The following CAMK2B variants were observed in gnomAD, a reference collection of about 807,000 sequenced individuals.
CAMK2B encodes calcium/calmodulin dependent protein kinase II beta.
Under a neutral mutation model 93.7 loss-of-function variants are expected in CAMK2B, and 27 were observed. The ratio of observed to expected loss-of-function variants is 0.29; its 90% CI spans 0.21 to 0.40. CAMK2B has a LOEUF of 0.40. Among genes scored for constraint, CAMK2B ranks in the 10% least tolerant of loss-of-function variants. The pLI, the probability that CAMK2B is intolerant of heterozygous loss-of-function variation, is 1.00. For synonymous variants in CAMK2B, 374 were observed against 358.8 expected (o/e 1.04, Z -0.48); for missense variants, 568 against 895.8 (o/e 0.63, Z 4.67).
chr7:44,279,043 T>C (rs75377419), intron 2 of CAMK2B, among the ~76,000 whole-genome samples: 351 of 152,338 alleles, frequency 2.3e-3, no homozygotes, highest in Middle Eastern at 0.01. Context: ...GGTTCAATTC[T>C]GAGGAAACCT....
chr7:44,251,934 G>T (rs1403614249), intron 5 of CAMK2B, among the ~76,000 whole-genome samples: 1 of 152,122 alleles, frequency 6.6e-6, no homozygotes, highest in East Asian at 1.9e-4. Flanking sequence ...TCCAGACCTC[G>T]CCAGGCCAGC....
At chr7:44,301,490 G>T (rs1790012967) in intron 1 of CAMK2B, among the ~76,000 whole-genome samples, 1 of 152,126 alleles carries the variant, frequency 6.6e-6, no homozygotes, top group South Asian at 2.1e-4. Context: ...ATTTTGAAAA[G>T]AAGAGGCCGG....
intron 2 of CAMK2B, among the ~76,000 whole-genome samples, chr7:44,276,955 A>G (rs1186617928): frequency 6.6e-6 from 1 of 152,194 alleles, no homozygotes; most frequent in Non-Finnish European, 1.5e-5. Flanking sequence ...AGCGTCGATG[A>G]TGCCAGGAGC....
intron 1 of CAMK2B, among the ~76,000 whole-genome samples, chr7:44,310,251 T>C (rs1286000285): frequency 6.6e-6 from 1 of 152,246 alleles, no homozygotes; most frequent in Non-Finnish European, 1.5e-5. Flanking sequence ...AGCTTAGAAA[T>C]GTCCACGTAA....
intron 1 of CAMK2B, among the ~76,000 whole-genome samples, chr7:44,303,342 A>G (rs1342254765): frequency 1.3e-5 from 2 of 152,198 alleles, no homozygotes; most frequent in Non-Finnish European, 2.9e-5. Flanking sequence ...ATTAATTTAC[A>G]CATTCAATGC....
At position 44,225,135 on chromosome 7, in the gene CAMK2B, C is replaced by T. The variant is rs996118263; in HGVS notation, c.1597+1381G>A. Among the ~76,000 whole-genome samples, 12 of 152,144 alleles carry T rather than the reference C, an allele frequency of 7.9e-5. No homozygotes were observed. Among genetic ancestry groups the T allele is most frequent in the African/African-American group, 2.9e-4 (12 of 41,424 alleles). ...CGAGCCCCGAGCTGGCCACTCCACA[C>T]CCACCCTGGGCCCTGTCCTCAGAGG... is the stretch of plus-strand genomic sequence containing the variant. On this transcript the variant is annotated intron_variant, in intron 20 of 23. Coordinates refer to ENST00000395749, the MANE Select transcript of CAMK2B (RefSeq NM_001220.5). This position sits in a 1 kb window ranked among gnomAD's most constrained non-coding sequence, Gnocchi z 5.0.
rs1305269365 is a variant in CAMK2B at position 44,300,053 on chromosome 7, T to TGTGTGTGTGTGTGTATG, written c.66-15829_66-15828insCATACACACACACACAC. ...GTGTGTGTGTGTGTGTGTGTGTGTG[T>TGTGTGTGTGTGTGTATG]GTGTGTATGTAGTTGTTCAGACAGG... On this transcript the variant is annotated intron_variant, in intron 1 of 23. Coordinates refer to ENST00000395749, the MANE Select transcript of CAMK2B (RefSeq NM_001220.5). Among the ~76,000 whole-genome samples, 27 of 151,852 alleles carry TGTGTGTGTGTGTGTATG rather than the reference T, an allele frequency of 1.8e-4. 1 individual carries two copies. In the South Asian group the frequency reaches 5.6e-3, roughly 32 times the overall value.
At chr7:44,310,649 A>G (rs1462025991) in intron 1 of CAMK2B, among the ~76,000 whole-genome samples, 1 of 152,260 alleles carries the variant, frequency 6.6e-6, no homozygotes, top group Non-Finnish European at 1.5e-5. Context: ...ATGCTGACAC[A>G]GGCTACAACA....
intron 1 of CAMK2B, among the ~76,000 whole-genome samples, chr7:44,307,156 G>GAA (rs1388874302): frequency 3.0e-5 from 4 of 133,830 alleles, no homozygotes; most frequent in Non-Finnish European, 6.5e-5. Flanking sequence ...AGCAGAGGGA[G>GAA]GAGGGTGTGA....
chr7:44,246,796 T>C (rs963123423), intron 6 of CAMK2B, among the ~76,000 whole-genome samples: 1 of 151,966 alleles, frequency 6.6e-6, no homozygotes, highest in African/African-American at 2.4e-5. Context: ...AACCTCCATG[T>C]ACACACGTAT....
intron 1 of CAMK2B, among the ~76,000 whole-genome samples, chr7:44,293,164 C>A (rs886285692): frequency 6.6e-6 from 1 of 152,250 alleles, no homozygotes; most frequent in African/African-American, 2.4e-5. Flanking sequence ...TTCAGTGCAT[C>A]AAAGTCTCAA....
At chr7:44,237,042 G>A (rs1032470887) in intron 13 of CAMK2B, among the ~76,000 whole-genome samples, 1 of 152,230 alleles carries the variant, frequency 6.6e-6, no homozygotes, top group African/African-American at 2.4e-5. Flanking sequence ...CCCCACCCCC[G>A]AGGGGACAGT....
intron 15 of CAMK2B, 40 bp downstream of exon 15, chr7:44,234,350 G>T: frequency 6.8e-7 from 1 of 1,468,756 alleles, no homozygotes; most frequent in Non-Finnish European, 9.0e-7. Context: ...AGCCAGGGGC[G>T]TAGGAGGGGC....
At position 44,225,861 on chromosome 7, in the gene CAMK2B, G is replaced by A. The variant is rs1291136847; in HGVS notation, c.1597+655C>T. 7.8e-7 allele frequency: 1 copy of A among 1,289,424 alleles called. No individual in the cohort carries two copies. The highest frequency in any genetic ancestry group is 2.3e-5 in the Admixed American group (1 of 43,560). 79.9% of individuals were successfully genotyped at this position (1,289,424 alleles called of 1,614,324 possible). ...AGTCTGGTGTCTCCCCACAGGTGGG[G>A]GTGGCAGCAGCCCTGGGATGTCATC... On this transcript the variant is annotated intron_variant, in intron 20 of 23. Transcript: ENST00000395749. This position sits in a 1 kb window ranked among gnomAD's most constrained non-coding sequence, Gnocchi z 5.0.
intron 1 of CAMK2B, among the ~76,000 whole-genome samples, chr7:44,297,313 G>A (rs1788577723): frequency 6.6e-6 from 1 of 152,034 alleles, no homozygotes; most frequent in Admixed American, 6.5e-5. Context: ...GGGAAAAGAA[G>A]AAGAAGTGGA....
At chr7:44,296,442 T>C (rs928090433) in intron 1 of CAMK2B, among the ~76,000 whole-genome samples, 16 of 151,804 alleles carry the variant, frequency 1.1e-4, no homozygotes, top group African/African-American at 3.4e-4. Context: ...CCAAGAACTA[T>C]AGAAAAATTA....
intron 1 of CAMK2B, among the ~76,000 whole-genome samples, chr7:44,320,952 G>C (rs1253324378): frequency 6.6e-6 from 1 of 152,212 alleles, no homozygotes; most frequent in Admixed American, 6.5e-5. Context: ...TAGGGGGAGG[G>C]GCAGGGAGCA....
intron 1 of CAMK2B, among the ~76,000 whole-genome samples, chr7:44,319,079 A>C (rs941720657): frequency 6.6e-6 from 1 of 152,372 alleles, no homozygotes; most frequent in South Asian, 2.1e-4. Flanking sequence ...AACCAAGTTG[A>C]TACATAATGC....
rs370808258 is a variant in CAMK2B, at chr7:44,228,557, G to C, written c.1468+239C>G. The stretch of plus-strand genomic sequence containing the variant: ...AGGGGCCTGGGGCTGGACAGCGAGC[G>C]GGGAGTGGCAGTGGGAGCAGGAGCC... On this transcript the variant is annotated intron_variant, in intron 19 of 23. Transcript: ENST00000395749. 4.6e-5 allele frequency among the ~76,000 whole-genome samples: 7 copies of C among 152,192 alleles called. No individual in the cohort carries two copies. The East Asian group carries it at 7.7e-4, about 17-fold the overall frequency.
Sources: gnomAD v4.1 joint callset for allele counts (sites outside exome capture counted in the v4.1 genomes callset) on GRCh38, gnomAD v4.1.1 for gene constraint, Gnocchi (gnomAD v3.1) non-coding constraint, MANE v1.5 for transcripts, NCBI Gene and HGNC (gene_info 2026-07-23, HGNC 2026-07-21) for gene names.